Variants in COL21A1 observed in about 807,000 individuals in gnomAD.
The protein encoded by COL21A1 is collagen type XXI alpha 1 chain.
COL21A1 carries 149 observed loss-of-function variants against 137.9 expected under a neutral mutation model. The observed-to-expected ratio is 1.08, with a 90% CI of 0.95 to 1.24. The LOEUF is 1.24. Among genes scored for constraint, COL21A1 ranks in the 50% most tolerant of loss-of-function variants. The probability of loss-of-function intolerance (pLI) is 0.00; values close to 1 mark genes in which losing one functional copy is unlikely to be tolerated. For synonymous variants in COL21A1, 456 were observed against 391.5 expected (o/e 1.16, Z -1.95); for missense variants, 1,167 against 1,158.4 (o/e 1.01, Z -0.11).
intron 5 of COL21A1, among the ~76,000 whole-genome samples, chr6:56,169,159 A>T (rs950945721): frequency 5.3e-5 from 8 of 151,966 alleles, no homozygotes; most frequent in African/African-American, 1.9e-4. Flanking sequence ...TTGCATTGTC[A>T]CTACCATAAT....
chr6:56,331,249 G>A (rs1765216521), intron 1 of COL21A1, among the ~76,000 whole-genome samples: 2 of 150,776 alleles, frequency 1.3e-5, no homozygotes, highest in East Asian at 2.0e-4. Context: ...TCTGCAGGTT[G>A]TCTATTTTTT....
intron 1 of COL21A1, among the ~76,000 whole-genome samples, chr6:56,253,644 T>C (rs1782904839): frequency 1.3e-5 from 2 of 152,200 alleles, no homozygotes; most frequent in Non-Finnish European, 2.9e-5. Flanking sequence ...CTCATTTGAA[T>C]TGAGTCTCTG....
At chr6:56,381,574 T>C (rs1179425226) in intron 1 of COL21A1, among the ~76,000 whole-genome samples, 2 of 152,254 alleles carry the variant, frequency 1.3e-5, no homozygotes, top group Non-Finnish European at 1.5e-5. Flanking sequence ...AAGCTTTCAC[T>C]ATTCCTGTTA....
chr6:56,124,761 G>C (rs12204017), intron 14 of COL21A1, among the ~76,000 whole-genome samples: 22,903 of 150,314 alleles, frequency 0.15, 1,765 homozygotes, highest in Middle Eastern at 0.23. Context: ...CCTGCCTCAG[G>C]CTCCCGAGTA....
intron 1 of COL21A1, among the ~76,000 whole-genome samples, chr6:56,206,709 T>C (rs914669198): frequency 7.0e-5 from 1 of 14,350 alleles, no homozygotes; most frequent in Admixed American, 5.1e-4. Flanking sequence ...TATATATATA[T>C]ATATATATAT....
chr6:56,284,926 C>T (rs1335727290), intron 1 of COL21A1, among the ~76,000 whole-genome samples: 1 of 152,204 alleles, frequency 6.6e-6, no homozygotes, highest in Non-Finnish European at 1.5e-5. Flanking sequence ...AAATTAGACT[C>T]ATTTAGGATG....
intron 1 of COL21A1, among the ~76,000 whole-genome samples, chr6:56,313,347 C>G (rs1764656498): frequency 6.6e-6 from 1 of 152,064 alleles, no homozygotes; most frequent in Non-Finnish European, 1.5e-5. Context: ...CATTACCTAG[C>G]TGTAACCTAT....
intron 1 of COL21A1, among the ~76,000 whole-genome samples, chr6:56,296,299 C>T (rs554239619): frequency 1.3e-5 from 2 of 152,050 alleles, no homozygotes; most frequent in South Asian, 2.1e-4. Flanking sequence ...ATCCAATTAA[C>T]TTGCAATGGG....
rs771908387 is a variant in COL21A1 at position 56,094,429 on chromosome 6, A to C, written c.1812+7043T>G. On this transcript the variant is annotated intron_variant, in intron 17 of 29. Transcript: ENST00000244728. ...CTAAGATGAGAAAGGCTTTCTCCACATGACTTCCACTTCTTCACTGAGCCC... is the reference window on the plus strand; with the variant it reads ...CTAAGATGAGAAAGGCTTTCTCCACCTGACTTCCACTTCTTCACTGAGCCC... Among the ~76,000 whole-genome samples, 17 of 149,060 alleles carry C rather than the reference A, an allele frequency of 1.1e-4. No individual in the cohort carries two copies. The Admixed American group carries it at 1.2e-3, about 10-fold the overall frequency.
At chr6:56,290,053 C>T (rs1032661949) in intron 1 of COL21A1, among the ~76,000 whole-genome samples, 2 of 152,084 alleles carry the variant, frequency 1.3e-5, no homozygotes, top group African/African-American at 4.8e-5. Context: ...GTAAGTAACC[C>T]CCTATTAAAA....
Position 56,224,155 on chromosome 6 carries a change from G to A in COL21A1, c.-39+23232C>T, listed in dbSNP as rs78627019. Among the ~76,000 whole-genome samples, 1,357 of 152,156 alleles carry A rather than the reference G, an allele frequency of 8.9e-3. 19 individuals are homozygous for A. Among genetic ancestry groups the A allele is most frequent in the African/African-American group, 0.031 (1,272 of 41,536 alleles). ...CACTATGCACATAGCATCTATCTGG[G>A]TCCTTCCATATCACCCCACGGGGCT... On this transcript the variant is annotated intron_variant, in intron 1 of 29. Coordinates refer to ENST00000244728, the MANE Select transcript of COL21A1 (RefSeq NM_030820.4).
At chr6:56,352,973 G>A (rs1397533440) in intron 1 of COL21A1, among the ~76,000 whole-genome samples, 1 of 152,138 alleles carries the variant, frequency 6.6e-6, no homozygotes, top group African/African-American at 2.4e-5. Context: ...TCGGGGAAGT[G>A]GAGGTTGCAG....
chr6:56,341,025 T>C (rs1391046542), intron 1 of COL21A1, among the ~76,000 whole-genome samples: 2 of 152,148 alleles, frequency 1.3e-5, no homozygotes, highest in African/African-American at 2.4e-5. Context: ...CAGGACATGA[T>C]AGAGTCATAA....
At chr6:56,326,507 T>C (rs143565607) in intron 1 of COL21A1, among the ~76,000 whole-genome samples, 2 of 152,074 alleles carry the variant, frequency 1.3e-5, no homozygotes, top group East Asian at 3.9e-4. Flanking sequence ...CCAATTTCAT[T>C]AGACTCTCGA....
Position 56,378,035 on chromosome 6 carries a change from A to G in COL21A1, c.-39+15936T>C, listed in dbSNP as rs374507431. ...TAGCAGCATTCGTCACCTGCTAACT[A>G]AAGAGCCCTTGGGCCCCAAATAACC... On this transcript the variant is annotated intron_variant, in intron 1 of 28. Coordinates refer to the COL21A1 transcript ENST00000370819. 2.6e-5 allele frequency among the ~76,000 whole-genome samples: 4 copies of G among 152,186 alleles called. No individual in the cohort carries two copies. The East Asian group carries it at 7.8e-4, about 29-fold the overall frequency.
At chr6:56,364,292 G>A (rs1237497074) in intron 1 of COL21A1, among the ~76,000 whole-genome samples, 3 of 151,974 alleles carry the variant, frequency 2.0e-5, no homozygotes, top group Admixed American at 6.6e-5. Context: ...CCTAGGCGGC[G>A]ACCTTTCAGA....
At chr6:56,121,556 ATG>A (rs199629454) in intron 16 of COL21A1, among the ~76,000 whole-genome samples, 87 of 139,252 alleles carry the variant, frequency 6.2e-4, no homozygotes, top group African/African-American at 2.3e-3. Flanking sequence ...TCATATGTAT[ATG>A]TGTATATATA....
intron 27 of COL21A1, 59 bp from the exon 28 acceptor site, chr6:56,060,277 T>G: frequency 7.3e-7 from 1 of 1,369,784 alleles, no homozygotes; most frequent in Non-Finnish European, 9.8e-7. Context: ...GTGTTAATTA[T>G]ATTTTTAATT....
At chr6:56,112,819 G>A (rs763802580) in intron 16 of COL21A1, among the ~76,000 whole-genome samples, 3 of 151,718 alleles carry the variant, frequency 2.0e-5, no homozygotes, top group Non-Finnish European at 2.9e-5. Flanking sequence ...CAAGTAGCTG[G>A]GATTAGAGGC....
Sources: gnomAD v4.1 joint callset for allele counts (sites outside exome capture counted in the v4.1 genomes callset) on GRCh38, gnomAD v4.1.1 for gene constraint, MANE v1.5 for transcripts, NCBI Gene and HGNC (gene_info 2026-07-23, HGNC 2026-07-21) for gene names.